CASD1: variants seen among roughly 807,000 people sequenced by gnomAD.
The protein encoded by CASD1 is N-acetylneuraminate (7)9-O-acetyltransferase.
CASD1 carries 41 observed loss-of-function variants against 100.0 expected under a neutral mutation model. The observed-to-expected ratio is 0.41, with a 90% CI of 0.32 to 0.53. The LOEUF is 0.53. Among genes scored for constraint, CASD1 ranks in the 20% least tolerant of loss-of-function variants. The pLI, the probability that CASD1 is intolerant of heterozygous loss-of-function variation, is 0.25. For missense variants in CASD1, 774 were observed against 948.7 expected (o/e 0.82, Z 2.42); for synonymous variants, 321 against 315.6 (o/e 1.02, Z -0.18).
chr7:94,619,093 GCTTT>G, the CASD1 span: 1 of 692,588 alleles, frequency 1.4e-6, no homozygotes, highest in Non-Finnish European at 2.6e-6. Context: ...GACTTTAAAG[GCTTT>G]CTGTTTAACA....
At chr7:94,548,955 T>A (rs184478948) in intron 13 of CASD1, among the ~76,000 whole-genome samples, 1 of 152,058 alleles carries the variant, frequency 6.6e-6, no homozygotes, top group East Asian at 1.9e-4. Context: ...ACTGTAAACT[T>A]TGTTTCAAAG....
intron 2 of CASD1, among the ~76,000 whole-genome samples, 193 bp from the exon 3 acceptor site, chr7:94,518,010 C>T (rs992098303): frequency 1.3e-5 from 2 of 152,116 alleles, no homozygotes; most frequent in Non-Finnish European, 2.9e-5. Context: ...TGTAATGTAT[C>T]GAGCTATTAC....
the CASD1 span, among the ~76,000 whole-genome samples, chr7:94,614,235 G>A: frequency 6.6e-6 from 1 of 151,112 alleles, no homozygotes; most frequent in Non-Finnish European, 1.5e-5. Flanking sequence ...ATTTTTTCAT[G>A]TGTTCATGTT....
the CASD1 span, among the ~76,000 whole-genome samples, chr7:94,582,928 A>AATG: frequency 6.6e-6 from 1 of 152,310 alleles, no homozygotes; most frequent in East Asian, 1.9e-4. Flanking sequence ...TAAGGAAGCA[A>AATG]ATGGTAGAGG....
the CASD1 span, chr7:94,617,953 C>T: frequency 1.3e-5 from 2 of 152,128 alleles, no homozygotes; most frequent in Non-Finnish European, 2.9e-5. Flanking sequence ...ATATGCTATG[C>T]AAAATGTGAT....
chr7:94,560,216 A>G (rs899626899), downstream of CASD1, among the ~76,000 whole-genome samples: 4 of 152,204 alleles, frequency 2.6e-5, no homozygotes, highest in African/African-American at 7.2e-5. Context: ...AAGATAACTA[A>G]TATTGGGAGT....
At chr7:94,528,722 G>A (rs947789219) in intron 5 of CASD1, among the ~76,000 whole-genome samples, 1 of 151,986 alleles carries the variant, frequency 6.6e-6, no homozygotes, top group Non-Finnish European at 1.5e-5. Flanking sequence ...ATGATGTTTG[G>A]AGATAAATTA....
chr7:94,613,430 A>C, the CASD1 span, among the ~76,000 whole-genome samples: 1 of 152,196 alleles, frequency 6.6e-6, no homozygotes, highest in Non-Finnish European at 1.5e-5. Flanking sequence ...TCAAATTTCA[A>C]ATGTGTATAA....
chr7:94,574,277 T>C, the CASD1 span, among the ~76,000 whole-genome samples: 1 of 152,162 alleles, frequency 6.6e-6, no homozygotes, highest in African/African-American at 2.4e-5. Flanking sequence ...CCTCCTTAAT[T>C]TTTTGGAATA....
At chr7:94,613,118 A>G in the CASD1 span, among the ~76,000 whole-genome samples, 4 of 152,212 alleles carry the variant, frequency 2.6e-5, no homozygotes, top group Non-Finnish European at 1.5e-5. Context: ...ATACCAGTTT[A>G]AAAACAAACG....
chr7:94,571,361 T>C, the CASD1 span, among the ~76,000 whole-genome samples: 1 of 152,008 alleles, frequency 6.6e-6, no homozygotes, highest in Non-Finnish European at 1.5e-5. Context: ...CCCACCCCCA[T>C]TTTTGAAGGA....
the CASD1 span, among the ~76,000 whole-genome samples, chr7:94,584,494 A>G: frequency 1.3e-5 from 2 of 152,232 alleles, no homozygotes; most frequent in Admixed American, 6.5e-5. Context: ...TCTAATGTCA[A>G]TGATATGACA....
chr7:94,608,831 CTT>C, the CASD1 span, among the ~76,000 whole-genome samples: 72 of 152,304 alleles, frequency 4.7e-4, no homozygotes, highest in African/African-American at 1.6e-3. Flanking sequence ...GAAAGACAGT[CTT>C]TTGAACAAAT....
the CASD1 span, among the ~76,000 whole-genome samples, chr7:94,584,245 C>A: frequency 6.6e-6 from 1 of 152,102 alleles, no homozygotes; most frequent in African/African-American, 2.4e-5. Flanking sequence ...TTGATTTCAC[C>A]TGGTAAGAGC....
In CASD1 at chr7:94,537,547, C is replaced by A; in HGVS notation, c.919C>A (p.Pro307Thr). Residue 307 changes from proline (P) to threonine (T), a missense_variant, in exon 9 of 18, where the codon CCT (proline) becomes ACT (threonine). By Grantham distance (38) the Pro-to-Thr change is conservative. Coordinates refer to ENST00000297273, the MANE Select transcript of CASD1 (RefSeq NM_022900.5). Reference sequence around the variant, plus strand: ...AGATGGGTCCTGTTGTCAACCTCGGCCTCCTGTTACTCTCATACAGAAGCT... The same window carrying A: ...AGATGGGTCCTGTTGTCAACCTCGGACTCCTGTTACTCTCATACAGAAGCT... Reference protein sequence around the residue: ...PVDGSCCQPRPPVTLIQKLAA... With the variant: ...PVDGSCCQPRTPVTLIQKLAA... 1 of 1,613,894 alleles carries A rather than the reference C, an allele frequency of 6.2e-7. No individual in the cohort carries two copies. Among genetic ancestry groups the A allele is most frequent in the Non-Finnish European group, 8.5e-7 (1 of 1,179,860 alleles).
Position 94,547,105 on chromosome 7 carries a change from T to G in CASD1, c.1643T>G (p.Phe548Cys), listed in dbSNP as rs1016090396. 2.0e-5 allele frequency: 31 copies of G among 1,585,144 alleles called. No individual in the cohort carries two copies. Among genetic ancestry groups the G allele is most frequent in the Middle Eastern group, 1.7e-4 (1 of 5,742 alleles). The change falls in exon 13 of 18, where the codon TTC becomes TGC. Residue 548 changes from phenylalanine to cysteine, a missense_variant. Phe to Cys is a radical substitution (Grantham distance 205, BLOSUM62 -2). Transcript: ENST00000297273. Reference protein sequence around the residue: ...IIQKKANGNCFWHFGLLLKLG... With the variant: ...IIQKKANGNCCWHFGLLLKLG... ...ATATTTTCTCTCTTAGGAAATTGTT[T>G]CTGGCATTTTGGCTTACTGTTGAAA...
At chr7:94,608,633 G>C in the CASD1 span, among the ~76,000 whole-genome samples, 1 of 152,082 alleles carries the variant, frequency 6.6e-6, no homozygotes, top group Non-Finnish European at 1.5e-5. Flanking sequence ...TGAAGGAGAA[G>C]AACAAATTTT....
chr7:94,587,668 CTTG>C, the CASD1 span: 1 of 1,521,874 alleles, frequency 6.6e-7, no homozygotes, highest in African/African-American at 1.4e-5. Context: ...ATTGAACAGT[CTTG>C]TTGAAACATG....
Position 94,518,236 on chromosome 7 carries a change from T to C in CASD1, c.264T>C (p.Ile88=). 6.4e-7 allele frequency: 1 copy of C among 1,571,256 alleles called. No individual in the cohort carries two copies. Among genetic ancestry groups the C allele is most frequent in the Non-Finnish European group, 8.6e-7 (1 of 1,164,212 alleles). The part of the protein sequence containing the change: ...EAKNCLVDKH[I]AFIGDSRIRQ... ...AGAACTGCCTTGTAGATAAACATATTGCATTTATTGGAGATTCCAGAATTC... is the reference window on the plus strand; with the variant it reads ...AGAACTGCCTTGTAGATAAACATATCGCATTTATTGGAGATTCCAGAATTC... Residue 88 remains isoleucine, a synonymous_variant, in exon 3 of 18, where the codon ATT becomes ATC. Transcript: ENST00000297273.
Sources: gnomAD v4.1 joint callset for allele counts (sites outside exome capture counted in the v4.1 genomes callset) on GRCh38, gnomAD v4.1.1 for gene constraint, MANE v1.5 for transcripts, NCBI Gene and HGNC (gene_info 2026-07-23, HGNC 2026-07-21) for gene names.